TMTC2: variants seen among roughly 807,000 people sequenced by gnomAD.
TMTC2 encodes protein O-mannosyl-transferase TMTC2.
A neutral mutation model predicts 82.4 loss-of-function variants in TMTC2; 43 were observed. The ratio of observed to expected loss-of-function variants is 0.52; its 90% CI spans 0.41 to 0.67. The LOEUF is 0.67. Among genes scored for constraint, TMTC2 ranks in the 30% least tolerant of loss-of-function variants. The pLI is 0.00. For synonymous variants in TMTC2, 408 were observed against 381.9 expected (o/e 1.07, Z -0.80); for missense variants, 919 against 1,012.4 (o/e 0.91, Z 1.25).
At chr12:82,834,382 C>T (rs1382003743) in intron 1 of TMTC2, among the ~76,000 whole-genome samples, 2 of 152,164 alleles carry the variant, frequency 1.3e-5, no homozygotes, top group Non-Finnish European at 2.9e-5. Flanking sequence ...ACTCTATAAC[C>T]TCTGTTTGTG....
At chr12:82,794,514 T>C (rs1317837544) in intron 1 of TMTC2, among the ~76,000 whole-genome samples, 1 of 152,096 alleles carries the variant, frequency 6.6e-6, no homozygotes, top group Non-Finnish European at 1.5e-5. Flanking sequence ...TTGCTGGTTG[T>C]GTGTGTGTTT....
chr12:83,049,909 A>G (rs189931554), intron 9 of TMTC2, among the ~76,000 whole-genome samples: 3 of 152,240 alleles, frequency 2.0e-5, no homozygotes, highest in Admixed American at 1.3e-4. Flanking sequence ...TTCTCTAATG[A>G]TTAGGGATAT....
intron 1 of TMTC2, among the ~76,000 whole-genome samples, chr12:82,762,858 AAAAAAAGATGCATTCCTCTCAAATAACTT>A (rs1228895149): frequency 2.0e-5 from 3 of 151,872 alleles, no homozygotes; most frequent in African/African-American, 7.3e-5. Context: ...TAGTGGAACA[AAAAAAAGATGCATTCCTCTCAAATAACTT>A]AAAAAAGGAA....
intron 9 of TMTC2, among the ~76,000 whole-genome samples, chr12:83,031,621 A>T (rs1274445445): frequency 6.6e-6 from 1 of 152,188 alleles, no homozygotes; most frequent in Non-Finnish European, 1.5e-5. Context: ...TGGTTTTTTG[A>T]TCACTGTTGG....
intron 3 of TMTC2, among the ~76,000 whole-genome samples, chr12:82,927,155 T>C (rs888361337): frequency 3.9e-5 from 6 of 152,170 alleles, no homozygotes; most frequent in Non-Finnish European, 7.3e-5. Context: ...TGGAAAACTT[T>C]TGGAAAGAAT....
At chr12:82,741,773 C>G (rs960056294) in intron 1 of TMTC2, among the ~76,000 whole-genome samples, 8 of 152,190 alleles carry the variant, frequency 5.3e-5, no homozygotes, top group Non-Finnish European at 1.2e-4. Flanking sequence ...TTCCTGTCTG[C>G]TCTCCTTTAA....
intron 11 of TMTC2, among the ~76,000 whole-genome samples, chr12:83,082,706 A>C (rs796190444): frequency 5.3e-5 from 8 of 152,236 alleles, no homozygotes; most frequent in Admixed American, 3.9e-4. Flanking sequence ...ATATGGCAGC[A>C]TATAAAAAAG....
At chr12:82,826,710 G>A in intron 1 of TMTC2, among the ~76,000 whole-genome samples, 1 of 152,014 alleles carries the variant, frequency 6.6e-6, no homozygotes, top group East Asian at 1.9e-4. Context: ...GAATGTATGT[G>A]GTCTCCCTGA....
At chr12:82,985,861 T>C in intron 7 of TMTC2, 64 bp from the exon 8 acceptor site, 1 of 1,569,870 alleles carries the variant, frequency 6.4e-7, no homozygotes, top group South Asian at 1.2e-5. Flanking sequence ...ATGATGATGC[T>C]GTTGCAAATA....
chr12:82,930,872 T>C (rs962528744), intron 4 of TMTC2, among the ~76,000 whole-genome samples: 6 of 152,154 alleles, frequency 3.9e-5, no homozygotes, highest in Non-Finnish European at 8.8e-5. Flanking sequence ...AATAAGCCTG[T>C]TATGTATGAG....
Position 82,687,684 on chromosome 12 carries a change from G to A in TMTC2, c.83+15G>A. On this transcript the variant is annotated intron_variant, in intron 1 of 11. Transcript: ENST00000321196. ...TATGATGACAGGTAAGGGGCCGAGAGGAGGGGGCGACGGGCTGCAGGGGGC... is the reference window on the plus strand; with the variant it reads ...TATGATGACAGGTAAGGGGCCGAGAAGAGGGGGCGACGGGCTGCAGGGGGC... 6.3e-7 allele frequency: 1 copy of A among 1,598,938 alleles called. No individual in the cohort carries two copies. The highest frequency in any genetic ancestry group is 8.5e-7 in the Non-Finnish European group (1 of 1,174,100).
intron 8 of TMTC2, among the ~76,000 whole-genome samples, chr12:83,006,206 G>A (rs1198762622): frequency 6.6e-6 from 1 of 152,106 alleles, no homozygotes; most frequent in African/African-American, 2.4e-5. Context: ...ATCCCATGCA[G>A]TGCTCTTAGT....
At chr12:82,898,314 C>G (rs1873784102) in intron 3 of TMTC2, among the ~76,000 whole-genome samples, 1 of 152,128 alleles carries the variant, frequency 6.6e-6, no homozygotes, top group Admixed American at 6.5e-5. Flanking sequence ...TTTTTCTGCA[C>G]TGGTAGATGT....
intron 11 of TMTC2, among the ~76,000 whole-genome samples, chr12:83,082,764 T>C (rs1488266336): frequency 6.6e-6 from 1 of 152,198 alleles, no homozygotes; most frequent in Non-Finnish European, 1.5e-5. Context: ...GGTTTTTGGG[T>C]TTTGCCTTCC....
chr12:82,911,176 G>A (rs984244648), intron 3 of TMTC2, among the ~76,000 whole-genome samples: 2 of 152,014 alleles, frequency 1.3e-5, no homozygotes, highest in Non-Finnish European at 2.9e-5. Context: ...CACTGCGCCC[G>A]GCGGGTCTCG....
rs1198566601 is a variant in TMTC2 at position 83,130,795 on chromosome 12, A to G, written c.2332-1415A>G. ...TTTGTTTATTTTTTTCACTGTATCT[A>G]TCTAACAGCATGCAAAGTTGATATT... On this transcript the variant is annotated intron_variant, in intron 11 of 11. Coordinates refer to ENST00000321196, the MANE Select transcript of TMTC2 (RefSeq NM_152588.3). 2.0e-5 allele frequency among the ~76,000 whole-genome samples: 3 copies of G among 152,210 alleles called. No homozygotes were observed. In the South Asian group the frequency reaches 6.2e-4, roughly 32 times the overall value.
At chr12:82,730,503 T>C (rs1874736736) in intron 1 of TMTC2, among the ~76,000 whole-genome samples, 1 of 152,146 alleles carries the variant, frequency 6.6e-6, no homozygotes, top group Non-Finnish European at 1.5e-5. Context: ...TGCTTCTATG[T>C]CCACTTTAAA....
chr12:82,970,348 G>A (rs1392757666), intron 7 of TMTC2, among the ~76,000 whole-genome samples: 2 of 152,166 alleles, frequency 1.3e-5, no homozygotes, highest in South Asian at 4.1e-4. Context: ...TTTTTGAGAC[G>A]GAGTCTCGCT....
intron 3 of TMTC2, among the ~76,000 whole-genome samples, chr12:82,897,407 CTAGTT>C (rs1359098166): frequency 1.3e-5 from 2 of 152,106 alleles, no homozygotes; most frequent in Admixed American, 6.5e-5. Flanking sequence ...ATGGATGACT[CTAGTT>C]TAGGCAATTA....
Sources: gnomAD v4.1 joint callset for allele counts (sites outside exome capture counted in the v4.1 genomes callset) on GRCh38, gnomAD v4.1.1 for gene constraint, MANE v1.5 for transcripts, NCBI Gene and HGNC (gene_info 2026-07-23, HGNC 2026-07-21) for gene names.